The following ZMYM6 variants were observed in gnomAD, a reference collection of about 807,000 sequenced individuals.
ZMYM6 encodes zinc finger MYM-type protein 6.
A neutral mutation model predicts 134.0 loss-of-function variants in ZMYM6; 90 were observed. The ratio of observed to expected loss-of-function variants is 0.67; its 90% CI spans 0.57 to 0.80. The LOEUF (loss-of-function observed/expected upper bound fraction) is 0.80, where lower values mean the gene tolerates loss of function less well. Ranked by LOEUF, ZMYM6 falls within the 30% of genes least tolerant of loss-of-function variation. ZMYM6 has a pLI of 0.00. For missense variants in ZMYM6, 1,362 were observed against 1,533.9 expected, an observed-to-expected ratio of 0.89 and a Z score of 1.87; for synonymous variants, 481 against 524.1, an observed-to-expected ratio of 0.92 and a Z score of 1.12.
Position 35,010,997 on chromosome 1 carries a change from C to T in ZMYM6, c.1102G>A (p.Val368Met), listed in dbSNP as rs377402657. The change falls in exon 9 of 16, where the codon GTG becomes ATG. Residue 368 changes from valine (V) to methionine (M), a missense_variant. Physicochemically the swap from Val to Met is conservative, Grantham distance 21 (BLOSUM62 1). Around this residue, in one of 3 missense-constraint regions of ZMYM6, gnomAD observed 503 missense variants for 520.8 expected, o/e 0.97. Coordinates refer to ENST00000357182, the MANE Select transcript of ZMYM6 (RefSeq NM_007167.4). ...ACCACTTGGCCCTGAGACAGGGGCA[C>T]CGCCGAAGAGTTTGTTCCTTTTGGC... ...SKPKGTNSSA[V>M]PLSQGQVVVS... The T allele has an allele frequency of 1.9e-6, 3 of 1,613,786 alleles. No homozygotes were observed. The highest frequency in any genetic ancestry group is 1.3e-5 in the African/African-American group (1 of 74,918).
intron 10 of ZMYM6, 94 bp from the exon 11 acceptor site, chr1:35,009,018 G>T: frequency 7.5e-7 from 1 of 1,325,286 alleles, no homozygotes; most frequent in Non-Finnish European, 1.0e-6. Context: ...GAAACTTTAA[G>T]CTAATTTCTA....
In ZMYM6 at chr1:34,987,684, G is replaced by A. The variant is rs370031261; in HGVS notation, c.3398C>T (p.Thr1133Ile). Residue 1133 changes from threonine to isoleucine, a missense_variant, in exon 16 of 16, where the codon ACT becomes ATT. By Grantham distance (89) the Thr-to-Ile change is moderately conservative. Transcript: ENST00000357182. ...INELNLSLQG[T>I]LTTFFNLCNK... is the part of the protein sequence containing the mutation. ...ACACAAATTGAAGAAAGTAGTCAAA[G>A]TTCCTTGGAGACTTAAATTTAATTC... 79 of 1,550,894 alleles carry A rather than the reference G, an allele frequency of 5.1e-5. No individual in the cohort carries two copies. The African/African-American group carries it at 7.7e-4, about 15-fold the overall frequency.
rs530281467 is a variant in ZMYM6 at position 35,030,681 on chromosome 1, T to C, written c.-42A>G. The C allele has an allele frequency of 3.0e-5, 47 of 1,571,616 alleles. No homozygotes were observed. The South Asian group carries it at 4.5e-4, about 15-fold the overall frequency. ...AAAGAGTGTCTCAGGCTCAAACGAA[T>C]AGATTTCTTCTTGGTAATGGATAGT... On this transcript the variant is annotated 5_prime_UTR_variant, in exon 2 of 16. Coordinates refer to ENST00000357182, the MANE Select transcript of ZMYM6 (RefSeq NM_007167.4).
At chr1:34,991,983 AAAC>A (rs1640683485) in intron 15 of ZMYM6, 2 of 484,174 alleles carry the variant, frequency 4.1e-6, no homozygotes, top group African/African-American at 2.0e-5. Context: ...TTAAAAAAAA[AAAC>A]AGGTTAAATC....
Position 34,986,710 on chromosome 1 carries a change from CA to C in ZMYM6, c.*393del, listed in dbSNP as rs1343466323. On this transcript the variant is annotated 3_prime_UTR_variant, in exon 16 of 16. Coordinates refer to ENST00000357182, the MANE Select transcript of ZMYM6 (RefSeq NM_007167.4). ...GGGCAACAAGAGCAAAACTCCATCTCAAAAAAAAGATCTATCTTTTCCACCT... is the reference window on the plus strand; with the variant it reads ...GGGCAACAAGAGCAAAACTCCATCTCAAAAAAAGATCTATCTTTTCCACCT... 5 of 152,838 alleles carry C rather than the reference CA, an allele frequency of 3.3e-5. No homozygotes were observed. The highest frequency in any genetic ancestry group is 5.8e-5 in the Non-Finnish European group (4 of 68,638). 9.5% of individuals were successfully genotyped at this position (152,838 alleles called of 1,614,324 possible).
In ZMYM6 at chr1:35,030,605, G is replaced by A. The variant is rs1312781830; in HGVS notation, c.35C>T (p.Ala12Val). ...CAGAAGCTCCTGCTGTGGTACCACT[G>A]CTTTGCCACATTCACCATCCAAAGG... is the stretch of plus-strand genomic sequence containing the variant. Reference protein sequence around the residue: ...KEPLDGECGKAVVPQQELLDK... With the variant: ...KEPLDGECGKVVVPQQELLDK... Residue 12 changes from alanine to valine, a missense_variant, in exon 2 of 16, where the codon GCA (alanine) becomes GTA (valine). Ala to Val is a moderately conservative substitution (Grantham distance 64). Coordinates refer to ENST00000357182, the MANE Select transcript of ZMYM6 (RefSeq NM_007167.4). 1.9e-6 allele frequency: 3 copies of A among 1,613,678 alleles called. No homozygotes were observed. Among genetic ancestry groups the A allele is most frequent in the Admixed American group, 3.3e-5 (2 of 59,946 alleles).
At chr1:35,016,242 T>C in intron 4 of ZMYM6, among the ~76,000 whole-genome samples, 1 of 152,136 alleles carries the variant, frequency 6.6e-6, no homozygotes, top group Non-Finnish European at 1.5e-5. Flanking sequence ...AGCCACCGTG[T>C]CCAGCCAAGA....
chr1:35,005,161 G>A lies in ZMYM6; in HGVS notation c.1925C>T (p.Ser642Phe). 6.2e-7 allele frequency: 1 copy of A among 1,614,158 alleles called. No individual in the cohort carries two copies. Among genetic ancestry groups the A allele is most frequent in the Non-Finnish European group, 8.5e-7 (1 of 1,180,006 alleles). ...MSLAKIPATLSTGNTNSVLKG... is the reference protein window; with the variant it reads ...MSLAKIPATLFTGNTNSVLKG... Reference sequence around the variant, plus strand: ...TAAAACACTGTTAGTGTTCCCTGTAGATAAGGTAGCAGGTATTTTTGCCAA... The same window carrying A: ...TAAAACACTGTTAGTGTTCCCTGTAAATAAGGTAGCAGGTATTTTTGCCAA... The change falls in exon 13 of 16, where the codon TCT (serine) becomes TTT (phenylalanine). Residue 642 changes from serine (S) to phenylalanine (F), a missense_variant. This residue lies in a region of ZMYM6 where 824 missense variants were observed against 940.9 expected (regional missense o/e 0.88). Transcript: ENST00000357182.
At chr1:34,990,757 T>C (rs1640659287) in intron 15 of ZMYM6, among the ~76,000 whole-genome samples, 1 of 152,082 alleles carries the variant, frequency 6.6e-6, no homozygotes, top group Admixed American at 6.5e-5. Context: ...AAAATAAAAA[T>C]TGGAAAAAAA....
chr1:35,010,201 A>T (rs1641059978), intron 10 of ZMYM6, among the ~76,000 whole-genome samples: 1 of 151,496 alleles, frequency 6.6e-6, no homozygotes, highest in South Asian at 2.1e-4. Flanking sequence ...GGTGTTTTTT[A>T]ACAGAGATGG....
At chr1:34,993,346 C>T (rs139218997) in intron 14 of ZMYM6, among the ~76,000 whole-genome samples, 3,010 of 152,104 alleles carry the variant, frequency 0.02, 104 homozygotes, top group African/African-American at 0.068. Flanking sequence ...CTCCTGACCT[C>T]GTGATCCGCC....
Position 35,020,612 on chromosome 1 carries a change from G to A in ZMYM6, c.94-145C>T, listed in dbSNP as rs539271749. 1.1e-5 allele frequency: 7 copies of A among 617,762 alleles called. No individual in the cohort carries two copies. In the South Asian group the frequency reaches 1.4e-4, roughly 12 times the overall value. 38.3% of individuals were successfully genotyped at this position (617,762 alleles called of 1,614,324 possible). A position where few individuals can be genotyped will look rare whatever the true frequency, so the allele number is the denominator to read the frequency against. The stretch of plus-strand genomic sequence containing the variant: ...TTTTGAGATGGAGTCTCACTTGGGT[G>A]CCCAGGCTGAAGTGCAGTGGCGCGA... On this transcript the variant is annotated intron_variant, in intron 2 of 15. Transcript: ENST00000357182.
intron 2 of ZMYM6, chr1:35,030,125 T>C: frequency 6.3e-6 from 1 of 157,942 alleles, no homozygotes; most frequent in South Asian, 1.9e-4. Flanking sequence ...TAGTTATAGC[T>C]TTCATTCAAA....
Position 34,987,921 on chromosome 1 carries a change from C to A in ZMYM6, c.3161G>T (p.Cys1054Phe). ...CACATGCTCAGATCCCATCTCTTCA[C>A]ACAAAATTGTTAACATACGTGAATT... is the stretch of plus-strand genomic sequence containing the variant. ...ALNSRMLTIL[C>F]EEMGSEHVSL... The change falls in exon 16 of 16, where the codon TGT (cysteine) becomes TTT (phenylalanine). Residue 1054 changes from cysteine to phenylalanine, a missense_variant. Cys to Phe is a radical substitution (Grantham distance 205, BLOSUM62 -2). Coordinates refer to ENST00000357182, the MANE Select transcript of ZMYM6 (RefSeq NM_007167.4). 1 of 1,551,652 alleles carries A rather than the reference C, an allele frequency of 6.4e-7. No homozygotes were observed. The highest frequency in any genetic ancestry group is 1.7e-4 in the Middle Eastern group (1 of 5,992).
rs201324557 is a variant in ZMYM6, at chr1:35,008,903, C to T, written c.1514G>A (p.Arg505His). 5.4e-5 allele frequency: 87 copies of T among 1,611,496 alleles called. No homozygotes were observed. Among genetic ancestry groups the T allele is most frequent in the Middle Eastern group, 3.3e-4 (2 of 6,074 alleles). ...CSEVCKFLSA[R>H]DFGERWGNYC... The stretch of plus-strand genomic sequence containing the variant: ...GTTTCCCCATCGTTCTCCAAAGTCA[C>T]GGGCAGAGAGGAATTTGCAAACTGA... The change falls in exon 11 of 16, where the codon CGT (arginine) becomes CAT (histidine). Residue 505 changes from arginine to histidine, a missense_variant. Physicochemically the swap from Arg to His is conservative, Grantham distance 29. Transcript: ENST00000357182.
In ZMYM6 at chr1:34,988,051, A is replaced by C; in HGVS notation, c.3031T>G (p.Phe1011Val). 1 of 1,551,590 alleles carries C rather than the reference A, an allele frequency of 6.4e-7. No individual in the cohort carries two copies. The highest frequency in any genetic ancestry group is 8.7e-7 in the Non-Finnish European group (1 of 1,146,968). Residue 1011 changes from phenylalanine (F) to valine (V), a missense_variant, in exon 16 of 16, where the codon TTT (phenylalanine) becomes GTT (valine). By Grantham distance (50) the Phe-to-Val change is conservative (BLOSUM62 -1). Coordinates refer to ENST00000357182, the MANE Select transcript of ZMYM6 (RefSeq NM_007167.4). ...GCCACTAAACGTTCACGGTGAATAA[A>C]ACAATGTGTAAATGCCGCTGTATTC... ...AMNTAAFTHC[F>V]IHRERLVAEK...
chr1:35,015,723 CAAAA>C (rs1331400824), intron 4 of ZMYM6, among the ~76,000 whole-genome samples: 9 of 51,196 alleles, frequency 1.8e-4, no homozygotes, highest in East Asian at 6.6e-4. Flanking sequence ...GACTCCATCT[CAAAA>C]AAAAAAAAAA....
rs559172289 is a variant in ZMYM6 at position 35,013,147 on chromosome 1, T to C, written c.796-566A>G. ...TTACATAACCAATATTATAACTTAC[T>C]GAATGCTTACCATGAGTCAGGCCCC... On this transcript the variant is annotated intron_variant, in intron 6 of 15. Transcript: ENST00000357182. 9.4e-4 allele frequency: 779 copies of C among 827,200 alleles called. 1 individual carries two copies. The highest frequency in any genetic ancestry group is 1.1e-3 in the Non-Finnish European group (755 of 685,910). 51.2% of individuals were successfully genotyped at this position (827,200 alleles called of 1,614,324 possible).
At position 35,019,338 on chromosome 1, in the gene ZMYM6, T is replaced by C. The variant is rs755215716; in HGVS notation, c.428+15A>G. 8.1e-6 allele frequency: 13 copies of C among 1,614,082 alleles called. No individual in the cohort carries two copies. The highest frequency in any genetic ancestry group is 1.1e-5 in the Non-Finnish European group (13 of 1,180,036). On this transcript the variant is annotated intron_variant, in intron 4 of 15. Transcript: ENST00000357182. ...AAAAAAGGTAAAGTAAAAAGGGATG[T>C]TAAGAATTTTATACTTCGAGCAGTT...
Sources: allele counts gnomAD v4.1 joint callset (sites outside exome capture counted in the v4.1 genomes callset), GRCh38; gene constraint gnomAD v4.1.1; regional missense constraint gnomAD v4.1.1; transcripts MANE v1.5; gene names NCBI Gene and HGNC (gene_info 2026-07-23, HGNC 2026-07-21).